The following RBBP8NL variants were observed in gnomAD, a reference collection of about 807,000 sequenced individuals.
RBBP8NL encodes the protein RBBP8 N-terminal like, also known as RBBP8 N-terminal-like protein.
A neutral mutation model predicts 62.2 loss-of-function variants in RBBP8NL; 59 were observed. The ratio of observed to expected loss-of-function variants is 0.95; its 90% CI spans 0.77 to 1.18. The LOEUF is 1.18. Ranked by LOEUF, RBBP8NL falls within the 50% of genes most tolerant of loss-of-function variation. RBBP8NL has a pLI of 0.00. For synonymous variants in RBBP8NL, 412 were observed against 394.1 expected, an observed-to-expected ratio of 1.05 and a Z score of -0.54; for missense variants, 896 against 899.5, an observed-to-expected ratio of 1.00 and a Z score of 0.05.
At chr20:62,423,871 C>A (rs1200073076) in intron 1 of RBBP8NL, among the ~76,000 whole-genome samples, 1 of 152,198 alleles carries the variant, frequency 6.6e-6, no homozygotes, top group Non-Finnish European at 1.5e-5. Context: ...CAGACCCGCA[C>A]CCGCAGCCTT....
chr20:62,422,377 A>G (rs1601491066), intron 1 of RBBP8NL, among the ~76,000 whole-genome samples: 1 of 149,692 alleles, frequency 6.7e-6, no homozygotes, highest in Non-Finnish European at 1.5e-5. Flanking sequence ...TGGCCAAACC[A>G]CCCAAGCCAG....
intron 9 of RBBP8NL, 130 bp from the exon 10 acceptor site, chr20:62,414,686 A>T: frequency 2.8e-6 from 3 of 1,072,194 alleles, no homozygotes; most frequent in Non-Finnish European, 2.5e-6. Context: ...AGGTGCAGCA[A>T]GCTGCATGGG....
chr20:62,416,287 GC>G, intron 5 of RBBP8NL, 51 bp from the exon 6 acceptor site: 7 of 950,308 alleles, frequency 7.4e-6, no homozygotes, highest in East Asian at 5.4e-5. Context: ...GGGGACAGGG[GC>G]AGGGGTGGGG....
At chr20:62,421,575 ACGCC>A (rs1988701925) in intron 1 of RBBP8NL, among the ~76,000 whole-genome samples, 1 of 144,634 alleles carries the variant, frequency 6.9e-6, no homozygotes, top group African/African-American at 2.6e-5. Flanking sequence ...ATGTGTGTGC[ACGCC>A]TGAGCCAGTG....
intron 1 of RBBP8NL, among the ~76,000 whole-genome samples, chr20:62,424,567 G>A (rs148519017): frequency 1.6e-4 from 24 of 152,284 alleles, no homozygotes; most frequent in African/African-American, 3.8e-4. Context: ...TCACCAGAAC[G>A]GAACAGAGCC....
rs528460536 is a variant in RBBP8NL at position 62,426,636 on chromosome 20, C to T, written c.-84+824G>A. Among the ~76,000 whole-genome samples the T allele has an allele frequency of 7.2e-4, 110 of 152,346 alleles. 1 individual carries two copies. Among genetic ancestry groups the T allele is most frequent in the Admixed American group, 2.1e-3 (32 of 15,308 alleles). ...TCTCCCATGGAGACTTCGGCCAGGT[C>T]GCTTGTCTGGCCGTGCCTCAGTTTC... On this transcript the variant is annotated intron_variant, in intron 1 of 13. Coordinates refer to ENST00000252998, the MANE Select transcript of RBBP8NL (RefSeq NM_080833.3).
At chr20:62,418,786 T>G (rs1370235873) in intron 2 of RBBP8NL, among the ~76,000 whole-genome samples, 4 of 151,208 alleles carry the variant, frequency 2.6e-5, no homozygotes, top group Non-Finnish European at 4.5e-5. Context: ...GGCCATTTTG[T>G]GTGTGTGTGT....
intron 1 of RBBP8NL, among the ~76,000 whole-genome samples, chr20:62,422,611 G>GATGGCCACTGGGGTGGGA (rs1988727708): frequency 3.7e-5 from 2 of 54,396 alleles, no homozygotes; most frequent in Admixed American, 1.7e-4. Flanking sequence ...CTGGGGTGGG[G>GATGGCCACTGGGGTGGGA]ATGGGGCCCG....
chr20:62,425,859 G>A (rs1192842456), intron 1 of RBBP8NL, among the ~76,000 whole-genome samples: 2 of 152,274 alleles, frequency 1.3e-5, no homozygotes, highest in African/African-American at 2.4e-5. Context: ...CAGGAGCAAC[G>A]GTGATGGCCA....
chr20:62,414,648 C>A, intron 9 of RBBP8NL, 92 bp from the exon 10 acceptor site: 4 of 1,353,450 alleles, frequency 3.0e-6, no homozygotes, highest in Non-Finnish European at 3.8e-6. Context: ...GGCACCCACT[C>A]CACAGGCGAG....
intron 1 of RBBP8NL, among the ~76,000 whole-genome samples, chr20:62,424,550 G>A (rs1988768330): frequency 6.6e-6 from 1 of 152,178 alleles, no homozygotes; most frequent in East Asian, 1.9e-4. Context: ...GGGGCGACGT[G>A]CTGCTCTCAC....
In RBBP8NL at chr20:62,416,551, A is replaced by G. The variant is rs541430723; in HGVS notation, c.313+209T>C. ...GTGGGGGCCGGGATGCCCCCAGCCC[A>G]GGGGAGGGAGGCTGTGTTGAGGGAG... is the stretch of plus-strand genomic sequence containing the variant. On this transcript the variant is annotated intron_variant, in intron 5 of 13. Transcript: ENST00000252998. Among the ~76,000 whole-genome samples, 84 of 152,296 alleles carry G rather than the reference A, an allele frequency of 5.5e-4. No individual in the cohort carries two copies. The South Asian group carries it at 0.017, about 31-fold the overall frequency.
chr20:62,424,576 C>T (rs1005329334), intron 1 of RBBP8NL, among the ~76,000 whole-genome samples: 2 of 152,160 alleles, frequency 1.3e-5, no homozygotes, highest in Admixed American at 1.3e-4. Context: ...CGGAACAGAG[C>T]CCATCCAGTA....
intron 2 of RBBP8NL, among the ~76,000 whole-genome samples, chr20:62,419,085 AGAAG>A (rs1480559970): frequency 6.6e-6 from 1 of 152,040 alleles, no homozygotes; most frequent in Non-Finnish European, 1.5e-5. Context: ...GGCGTGTCCT[AGAAG>A]GAAGAGAAGA....
At position 62,413,396 on chromosome 20, in the gene RBBP8NL, T is replaced by C. The variant is rs1988479532; in HGVS notation, c.1675+5A>G. The stretch of plus-strand genomic sequence containing the variant: ...CTGGACTCTGACCCCAGGTGCTGAC[T>C]GTACCTGGGTGGCCGTCCAGGTCAG... On this transcript the variant is annotated splice_donor_5th_base_variant and intron_variant, in intron 11 of 13. Coordinates refer to ENST00000252998, the MANE Select transcript of RBBP8NL (RefSeq NM_080833.3). 7.0e-7 allele frequency: 1 copy of C among 1,430,790 alleles called. No individual in the cohort carries two copies. Among genetic ancestry groups the C allele is most frequent in the Non-Finnish European group, 9.1e-7 (1 of 1,093,432 alleles). The allele number at this position is 1,430,790 out of a possible 1,614,324, so 88.6% of individuals were successfully genotyped here.
chr20:62,419,583 T>G lies in RBBP8NL; in HGVS notation c.61+4A>C. ...TAGCCTGGCATCTGTCCCTGGCCCC[T>G]CACCCAGGACTTCCTTCTCGTGGAT... On this transcript the variant is annotated splice_donor_region_variant and intron_variant, in intron 2 of 13. Transcript: ENST00000252998. The G allele has an allele frequency of 6.2e-7, 1 of 1,613,444 alleles. No individual in the cohort carries two copies. Among genetic ancestry groups the G allele is most frequent in the Non-Finnish European group, 8.5e-7 (1 of 1,179,820 alleles).
chr20:62,419,479 C>T lies in RBBP8NL; in HGVS notation c.61+108G>A, dbSNP rs1271771036. The T allele has an allele frequency of 2.5e-6, 3 of 1,199,828 alleles. No individual in the cohort carries two copies. The African/African-American group carries it at 4.5e-5, about 18-fold the overall frequency. 74.3% of individuals were successfully genotyped at this position (1,199,828 alleles called of 1,614,324 possible). A position where few individuals can be genotyped will look rare whatever the true frequency, so the allele number is the denominator to read the frequency against. On this transcript the variant is annotated intron_variant, in intron 2 of 13. Coordinates refer to ENST00000252998, the MANE Select transcript of RBBP8NL (RefSeq NM_080833.3). ...CAAAAAGACGGGGTCCATTCCCTGA[C>T]TTGGTGGGAATTGGAGGTGATCATG...
In RBBP8NL at chr20:62,418,585, GGGAGCCC is replaced by G. The variant is rs1601488981; in HGVS notation, c.62-127_62-121del. 4 of 1,031,986 alleles carry G rather than the reference GGGAGCCC, an allele frequency of 3.9e-6. No individual in the cohort carries two copies. In the East Asian group the frequency reaches 1.0e-4, roughly 27 times the overall value. 63.9% of individuals were successfully genotyped at this position (1,031,986 alleles called of 1,614,324 possible). Reference sequence around the variant, plus strand: ...CACTCCTGTCCCCTGCACCCCCTGGGGGAGCCCTGCCAGGTGAGCCCCTGTCTGTGCC... The same window carrying G: ...CACTCCTGTCCCCTGCACCCCCTGGGTGCCAGGTGAGCCCCTGTCTGTGCC... On this transcript the variant is annotated intron_variant, in intron 2 of 13. Transcript: ENST00000252998.
intron 1 of RBBP8NL, among the ~76,000 whole-genome samples, chr20:62,424,961 G>A (rs1416594621): frequency 1.3e-5 from 1 of 78,662 alleles, no homozygotes; most frequent in Admixed American, 1.1e-4. Flanking sequence ...AGTCAGTCTG[G>A]GCGGAGGGTA....
Sources: gnomAD v4.1 joint callset for allele counts (sites outside exome capture counted in the v4.1 genomes callset) on GRCh38, gnomAD v4.1.1 for gene constraint, MANE v1.5 for transcripts, NCBI Gene and HGNC (gene_info 2026-07-23, HGNC 2026-07-21) for gene names.